PDE8A: variants seen among roughly 807,000 people sequenced by gnomAD.
The protein encoded by PDE8A is phosphodiesterase 8A, also known as high affinity cAMP-specific and IBMX-insensitive 3',5'-cyclic phosphodiesterase 8A.
PDE8A carries 59 observed loss-of-function variants against 105.0 expected under a neutral mutation model. That is an observed-to-expected ratio of 0.56 (90% confidence interval 0.46 to 0.70). The LOEUF (loss-of-function observed/expected upper bound fraction) is 0.70. Ranked by LOEUF, PDE8A falls within the 30% of genes least tolerant of loss-of-function variation. PDE8A has a pLI of 0.00. For missense variants in PDE8A, 1,014 were observed against 1,045.9 expected (o/e 0.97, Z 0.42); for synonymous variants, 355 against 371.9 (o/e 0.95, Z 0.52).
rs556117004 is a variant in PDE8A at position 85,008,277 on chromosome 15, CT to C, written c.186+25932del. On this transcript the variant is annotated intron_variant, in intron 1 of 21. Coordinates refer to ENST00000394553, the MANE Select transcript of PDE8A (RefSeq NM_002605.3). ...CAGGGAGGGATCAGAAGCCAGGGAA[CT>C]TTGCAATGTTGTGATGGTGAAATAT... Among the ~76,000 whole-genome samples, 3 of 152,134 alleles carry C rather than the reference CT, an allele frequency of 2.0e-5. No homozygotes were observed. In the South Asian group the frequency reaches 6.2e-4, roughly 32 times the overall value.
intron 1 of PDE8A, among the ~76,000 whole-genome samples, chr15:84,994,614 T>C (rs879739426): frequency 6.6e-6 from 1 of 152,252 alleles, no homozygotes; most frequent in Non-Finnish European, 1.5e-5. Flanking sequence ...TTATCACATA[T>C]ATCCATGTAT....
intron 1 of PDE8A, among the ~76,000 whole-genome samples, chr15:85,008,293 T>C (rs1226015511): frequency 6.6e-6 from 1 of 152,056 alleles, no homozygotes; most frequent in African/African-American, 2.4e-5. Flanking sequence ...AATGTTGTGA[T>C]GGTGAAATAT....
At chr15:85,057,335 G>GTCC (rs1235891447) in intron 1 of PDE8A, among the ~76,000 whole-genome samples, 2 of 152,332 alleles carry the variant, frequency 1.3e-5, no homozygotes, top group Admixed American at 6.5e-5. Context: ...TCTCTTCAAA[G>GTCC]CTGTCAGACA....
Position 85,017,855 on chromosome 15 carries a change from C to G in PDE8A, c.186+35507C>G, listed in dbSNP as rs181657265. Among the ~76,000 whole-genome samples, 556 of 121,626 alleles carry G rather than the reference C, an allele frequency of 4.6e-3. 1 individual carries two copies. Among genetic ancestry groups the G allele is most frequent in the African/African-American group, 0.016 (497 of 31,232 alleles). The allele number at this position is 121,626 out of a possible 152,430, so 79.8% of individuals were successfully genotyped here. ...TGAGCCGAGATCGCGCCATTGCACTCCAGCCTGAGCAACAGGAGCGAAACT... is the reference window on the plus strand; with the variant it reads ...TGAGCCGAGATCGCGCCATTGCACTGCAGCCTGAGCAACAGGAGCGAAACT... On this transcript the variant is annotated intron_variant, in intron 1 of 21. Transcript: ENST00000394553.
intron 6 of PDE8A, among the ~76,000 whole-genome samples, chr15:85,088,396 C>T (rs1202248536): frequency 6.6e-6 from 1 of 152,204 alleles, no homozygotes; most frequent in Non-Finnish European, 1.5e-5. Flanking sequence ...TTGTGACTGG[C>T]TTACGGTTTT....
At position 85,115,481 on chromosome 15, in the gene PDE8A, A is replaced by G. The variant is rs949203787; in HGVS notation, c.1393A>G (p.Thr465Ala). The change falls in exon 15 of 22, where the codon ACA (threonine) becomes GCA (alanine). Residue 465 changes from threonine (T) to alanine (A), a missense_variant. By Grantham distance (58) the Thr-to-Ala change is moderately conservative (BLOSUM62 0). Coordinates refer to ENST00000394553, the MANE Select transcript of PDE8A (RefSeq NM_002605.3). ...ATCAGGGAATGAATATGTTCTTTCA[A>G]CAAAAAGTAAGTTTTTCCTTTTTAA... Reference protein sequence around the residue: ...RLSGNEYVLSTKNTQMVSSNI... With the variant: ...RLSGNEYVLSAKNTQMVSSNI... The G allele has an allele frequency of 2.0e-6, 3 of 1,502,378 alleles. No individual in the cohort carries two copies. The highest frequency in any genetic ancestry group is 2.9e-5 in the African/African-American group (2 of 69,588). 93.1% of individuals were successfully genotyped at this position (1,502,378 alleles called of 1,614,324 possible).
At chr15:85,037,884 A>C (rs932310699) in intron 1 of PDE8A, among the ~76,000 whole-genome samples, 2 of 152,260 alleles carry the variant, frequency 1.3e-5, no homozygotes, top group African/African-American at 2.4e-5. Context: ...CTATGGAAAC[A>C]AAGCTTTCTA....
chr15:85,083,338 A>G (rs1387536741), intron 5 of PDE8A, among the ~76,000 whole-genome samples: 3 of 152,126 alleles, frequency 2.0e-5, no homozygotes, highest in African/African-American at 7.2e-5. Flanking sequence ...ATGAAAGGCT[A>G]CTAAATGATA....
intron 9 of PDE8A, among the ~76,000 whole-genome samples, chr15:85,098,263 G>C (rs1759660435): frequency 6.6e-6 from 1 of 152,210 alleles, no homozygotes; most frequent in South Asian, 2.1e-4. Flanking sequence ...TGTTTAAGCT[G>C]CGTGGATACA....
rs893038984 is a variant in PDE8A, at chr15:85,117,814, A to G, written c.1709A>G (p.Tyr570Cys). 6.8e-6 allele frequency: 11 copies of G among 1,613,730 alleles called. No homozygotes were observed. The highest frequency in any genetic ancestry group is 5.3e-5 in the African/African-American group (4 of 74,884). Residue 570 changes from tyrosine to cysteine, a missense_variant, in exon 17 of 22, where the codon TAT becomes TGT. Coordinates refer to ENST00000394553, the MANE Select transcript of PDE8A (RefSeq NM_002605.3). The stretch of plus-strand genomic sequence containing the variant: ...GCTGATGTGCTTCATGCCACTGCCT[A>G]TTTTCTCTCCAAGGAGAGGATAAAG... Reference protein sequence around the residue: ...HSADVLHATAYFLSKERIKET... With the variant: ...HSADVLHATACFLSKERIKET...
At chr15:85,018,504 AC>A (rs2080366507) in intron 1 of PDE8A, among the ~76,000 whole-genome samples, 1 of 152,198 alleles carries the variant, frequency 6.6e-6, no homozygotes, top group Non-Finnish European at 1.5e-5. Flanking sequence ...GATCTATTTA[AC>A]CAGTCTCTTA....
chr15:85,115,582 T>G (rs1168436251), intron 15 of PDE8A, 95 bp downstream of exon 15: 2 of 637,776 alleles, frequency 3.1e-6, no homozygotes, highest in Non-Finnish European at 5.3e-6. Flanking sequence ...TTAAGAAGTT[T>G]CTTGGTATGT....
intron 1 of PDE8A, among the ~76,000 whole-genome samples, chr15:85,024,260 A>G (rs919167870): frequency 6.6e-6 from 1 of 152,186 alleles, no homozygotes; most frequent in African/African-American, 2.4e-5. Context: ...CCCCTAGACC[A>G]TAACTTCCTT....
chr15:85,115,771 A>G, intron 15 of PDE8A: 2 of 547,588 alleles, frequency 3.7e-6, no homozygotes, highest in Admixed American at 3.4e-5. Context: ...AATACAAAAA[A>G]TTAGCCAGGC....
intron 1 of PDE8A, among the ~76,000 whole-genome samples, chr15:85,053,462 G>A (rs1243990983): frequency 6.6e-6 from 1 of 152,184 alleles, no homozygotes; most frequent in Non-Finnish European, 1.5e-5. Flanking sequence ...AGCATGGAAT[G>A]TTCTTCCATT....
chr15:85,043,677 G>T (rs2080844554), intron 1 of PDE8A, among the ~76,000 whole-genome samples: 1 of 119,218 alleles, frequency 8.4e-6, no homozygotes, highest in Non-Finnish European at 1.8e-5. Flanking sequence ...GAAATTAATG[G>T]TTTTTTGTTT....
chr15:85,081,049 G>A (rs775838307), intron 5 of PDE8A, among the ~76,000 whole-genome samples: 2 of 152,172 alleles, frequency 1.3e-5, no homozygotes, highest in East Asian at 3.9e-4. Flanking sequence ...TCTTACTTTT[G>A]TGTGACAAAA....
chr15:85,134,546 C>CCTTT (rs34002838), intron 20 of PDE8A, among the ~76,000 whole-genome samples: 1 of 151,844 alleles, frequency 6.6e-6, no homozygotes, highest in Non-Finnish European at 1.5e-5. Context: ...GTTCCCCACT[C>CCTTT]CTCTTACCAA....
chr15:85,019,628 C>T (rs2080387377), intron 1 of PDE8A, among the ~76,000 whole-genome samples: 1 of 152,042 alleles, frequency 6.6e-6, no homozygotes, highest in South Asian at 2.1e-4. Context: ...GTCACCCAGG[C>T]TGGTGTGCAA....
Sources: gnomAD v4.1 joint callset for allele counts (sites outside exome capture counted in the v4.1 genomes callset) on GRCh38, gnomAD v4.1.1 for gene constraint, MANE v1.5 for transcripts, NCBI Gene and HGNC (gene_info 2026-07-23, HGNC 2026-07-21) for gene names.